The following EYS variants were observed in gnomAD, a reference collection of about 807,000 sequenced individuals.
The protein encoded by EYS is protein eyes shut homolog.
Under a neutral mutation model 282.1 loss-of-function variants are expected in EYS, and 250 were observed. The ratio of observed to expected loss-of-function variants is 0.89; its 90% confidence interval spans 0.80 to 0.98. EYS has a LOEUF of 0.98. Among genes scored for constraint, EYS ranks in the 50% least tolerant of loss-of-function variants. The pLI is 0.00. For missense variants in EYS, 4,016 were observed against 3,709.0 expected (o/e 1.08, Z -2.15); for synonymous variants, 1,355 against 1,282.9 (o/e 1.06, Z -1.20).
At chr6:65,684,833 C>T (rs576112936) in intron 1 of EYS, among the ~76,000 whole-genome samples, 7 of 152,002 alleles carry the variant, frequency 4.6e-5, no homozygotes, top group African/African-American at 1.4e-4. Flanking sequence ...AGTAGTTTTT[C>T]GTTGTTGTTG....
chr6:64,985,730 T>C (rs1770838202), intron 14 of EYS, among the ~76,000 whole-genome samples: 1 of 151,598 alleles, frequency 6.6e-6, no homozygotes, highest in South Asian at 2.1e-4. Context: ...ATATGTCCCA[T>C]GCAATATTTG....
chr6:63,826,571 G>A (rs1303911121), intron 36 of EYS, among the ~76,000 whole-genome samples: 3 of 152,084 alleles, frequency 2.0e-5, no homozygotes, highest in Admixed American at 2.0e-4. Context: ...AAGCTAGAAG[G>A]GATTGGGGAC....
intron 11 of EYS, among the ~76,000 whole-genome samples, chr6:65,309,835 C>T (rs1198984659): frequency 6.6e-6 from 1 of 152,234 alleles, no homozygotes. Flanking sequence ...TTCAAACAGA[C>T]GTGACTACTT....
At chr6:63,885,883 T>C (rs1325058574) in intron 35 of EYS, among the ~76,000 whole-genome samples, 1 of 152,204 alleles carries the variant, frequency 6.6e-6, no homozygotes, top group Admixed American at 6.5e-5. Context: ...TTGTACTCTT[T>C]TGAGCAATAT....
chr6:63,732,114 A>C (rs1377367522), intron 41 of EYS, among the ~76,000 whole-genome samples: 1 of 151,868 alleles, frequency 6.6e-6, no homozygotes, highest in African/African-American at 2.4e-5. Context: ...GCAGGAGTTG[A>C]GAATTATCTG....
chr6:64,904,613 T>A (rs901660187), intron 16 of EYS, among the ~76,000 whole-genome samples: 3 of 152,206 alleles, frequency 2.0e-5, no homozygotes, highest in African/African-American at 7.2e-5. Context: ...ATTTCTACTT[T>A]AAGTCTGGTT....
At chr6:64,800,899 A>G (rs370502791) in intron 22 of EYS, among the ~76,000 whole-genome samples, 1 of 152,186 alleles carries the variant, frequency 6.6e-6, no homozygotes, top group African/African-American at 2.4e-5. Flanking sequence ...TTTTTTCACA[A>G]TTGCACGTCA....
chr6:65,416,208 T>C (rs1290019893), intron 5 of EYS, among the ~76,000 whole-genome samples: 2 of 151,952 alleles, frequency 1.3e-5, no homozygotes, highest in Non-Finnish European at 2.9e-5. Flanking sequence ...CAGGGTTATA[T>C]TCTTGGAGTA....
Position 64,306,973 on chromosome 6 carries a change from C to A in EYS, c.6188G>T (p.Cys2063Phe), listed in dbSNP as rs138123230. 174 of 1,433,230 alleles carry A rather than the reference C, an allele frequency of 1.2e-4. 1 individual carries two copies. The highest frequency in any genetic ancestry group is 3.2e-4 in the South Asian group (26 of 80,668). 88.8% of individuals were successfully genotyped at this position (1,433,230 alleles called of 1,614,324 possible). A position where few individuals can be genotyped will look rare whatever the true frequency, so the allele number is the denominator to read the frequency against. The change falls in exon 30 of 43, where the codon TGC (cysteine) becomes TTC (phenylalanine). Residue 2063 changes from cysteine to phenylalanine, a missense_variant. Physicochemically the swap from Cys to Phe is radical, Grantham distance 205 (BLOSUM62 -2). Coordinates refer to ENST00000503581, the MANE Select transcript of EYS (RefSeq NM_001142800.2). ...AAAATCACTACTGCTATTTTACCTG[C>A]AATTGTTAATGTGATAGTTTTTCAC... ...KAVKNYHINNCRSQGFMLSPT... is the reference protein window; with the variant it reads ...KAVKNYHINNFRSQGFMLSPT...
intron 35 of EYS, among the ~76,000 whole-genome samples, chr6:63,932,839 T>C (rs553650794): frequency 6.6e-6 from 1 of 152,280 alleles, no homozygotes; most frequent in East Asian, 1.9e-4. Context: ...TAGTATCAGA[T>C]CCCACAGGCT....
In EYS at chr6:64,902,385, C is replaced by A. The variant is rs1013111745; in HGVS notation, c.2738+19G>T. On this transcript the variant is annotated intron_variant, in intron 17 of 42. Coordinates refer to ENST00000503581, the MANE Select transcript of EYS (RefSeq NM_001142800.2). Reference sequence around the variant, plus strand: ...AGACACATAAACATGTATCTAGATACTTTTTAAGTTTTCTGTACCTGAAAT... The same window carrying A: ...AGACACATAAACATGTATCTAGATAATTTTTAAGTTTTCTGTACCTGAAAT... 3 of 1,500,988 alleles carry A rather than the reference C, an allele frequency of 2.0e-6. No individual in the cohort carries two copies. The highest frequency in any genetic ancestry group is 2.5e-5 in the East Asian group (1 of 40,538). 93.0% of individuals were successfully genotyped at this position (1,500,988 alleles called of 1,614,324 possible). A position where few individuals can be genotyped will look rare whatever the true frequency, so the allele number is the denominator to read the frequency against.
intron 33 of EYS, among the ~76,000 whole-genome samples, chr6:64,018,761 T>A (rs943553798): frequency 1.0e-5 from 1 of 98,554 alleles, no homozygotes; most frequent in South Asian, 3.9e-4. Flanking sequence ...TCACAAGTGT[T>A]TTTTTTTTTT....
intron 26 of EYS, among the ~76,000 whole-genome samples, chr6:64,555,907 A>T (rs1765218802): frequency 6.6e-6 from 1 of 151,982 alleles, no homozygotes; most frequent in Admixed American, 6.6e-5. Context: ...GACATTAAAA[A>T]CTGCTGAAAA....
At chr6:63,980,010 ACAG>A (rs1767014284) in intron 35 of EYS, among the ~76,000 whole-genome samples, 1 of 151,904 alleles carries the variant, frequency 6.6e-6, no homozygotes, top group Admixed American at 6.6e-5. Context: ...ACAGCACTTT[ACAG>A]CAGTAAATTA....
intron 26 of EYS, among the ~76,000 whole-genome samples, chr6:64,470,517 A>G (rs573787137): frequency 1.3e-5 from 2 of 152,172 alleles, no homozygotes; most frequent in Admixed American, 6.5e-5. Context: ...GGGGTGTCCA[A>G]TCTTTTGCCC....
At chr6:65,187,153 C>T (rs928770396) in intron 12 of EYS, among the ~76,000 whole-genome samples, 5 of 151,624 alleles carry the variant, frequency 3.3e-5, no homozygotes, top group African/African-American at 1.2e-4. Flanking sequence ...CAAATTTATT[C>T]TAGGCACACA....
At chr6:64,713,492 T>C (rs1771275860) in intron 22 of EYS, among the ~76,000 whole-genome samples, 1 of 152,184 alleles carries the variant, frequency 6.6e-6, no homozygotes, top group Admixed American at 6.5e-5. Context: ...CAAAAGGAGA[T>C]ATTTCCTTCA....
intron 7 of EYS, among the ~76,000 whole-genome samples, chr6:65,398,460 T>C (rs544629517): frequency 6.6e-6 from 1 of 152,000 alleles, no homozygotes; most frequent in African/African-American, 2.4e-5. Flanking sequence ...TTTTACCATA[T>C]TCAAAAATTA....
chr6:64,186,277 A>G (rs1764943981), intron 31 of EYS, among the ~76,000 whole-genome samples: 1 of 151,142 alleles, frequency 6.6e-6, no homozygotes, highest in South Asian at 2.1e-4. Flanking sequence ...ACACACACAC[A>G]CACACACGGT....
Sources: allele counts gnomAD v4.1 joint callset (sites outside exome capture counted in the v4.1 genomes callset), GRCh38; gene constraint gnomAD v4.1.1; transcripts MANE v1.5; gene names NCBI Gene and HGNC (gene_info 2026-07-23, HGNC 2026-07-21).